The following CEP15 variants were observed in gnomAD, a reference collection of about 807,000 sequenced individuals.
CEP15 encodes the protein centrosomal protein 15.
the CEP15 span, among the ~76,000 whole-genome samples, chr3:62,320,284 G>C: frequency 6.6e-6 from 1 of 152,120 alleles, no homozygotes; most frequent in Non-Finnish European, 1.5e-5. Context: ...GATGTATCTG[G>C]CATGCTGAAT....
the CEP15 span, among the ~76,000 whole-genome samples, chr3:62,328,214 G>C: frequency 6.6e-6 from 1 of 152,122 alleles, no homozygotes; most frequent in Non-Finnish European, 1.5e-5. Context: ...TCAATTGCAC[G>C]ATTGCAGATT....
chr3:62,326,418 C>A, the CEP15 span, among the ~76,000 whole-genome samples: 3 of 152,138 alleles, frequency 2.0e-5, no homozygotes, highest in Non-Finnish European at 4.4e-5. Flanking sequence ...CCAGCCTGGC[C>A]ATAGCTGGAT....
At chr3:62,336,034 GT>G in the CEP15 span, 1 of 152,092 alleles carries the variant, frequency 6.6e-6, no homozygotes, top group East Asian at 1.9e-4. This position sits in a 1 kb window ranked among gnomAD's most constrained non-coding sequence, Gnocchi z 4.4. Context: ...CAAACGGACA[GT>G]TTTTTTCTGC....
the CEP15 span, among the ~76,000 whole-genome samples, chr3:62,321,341 T>C: frequency 2.0e-5 from 3 of 152,214 alleles, no homozygotes; most frequent in Non-Finnish European, 4.4e-5. The surrounding 1 kb of genome is among the most constrained non-coding windows in gnomAD (Gnocchi z 4.1). Flanking sequence ...AATTACTGTT[T>C]TACCTTGTTG....
chr3:62,321,990 A>C, the CEP15 span: 2 of 1,610,380 alleles, frequency 1.2e-6, no homozygotes, highest in East Asian at 4.5e-5. This position sits in a 1 kb window ranked among gnomAD's most constrained non-coding sequence, Gnocchi z 4.1. Flanking sequence ...ATCAACACAC[A>C]GAAAAGGCAT....
chr3:62,330,145 T>C, the CEP15 span, among the ~76,000 whole-genome samples: 2 of 152,162 alleles, frequency 1.3e-5, no homozygotes, highest in Admixed American at 1.3e-4. Flanking sequence ...AATTTCCTGT[T>C]TTTCCCTTTT....
At chr3:62,320,807 C>T in the CEP15 span, among the ~76,000 whole-genome samples, 2 of 152,176 alleles carry the variant, frequency 1.3e-5, no homozygotes, top group Non-Finnish European at 2.9e-5. Flanking sequence ...CTTCTCTAAA[C>T]CTCTTACACA....
chr3:62,327,038 A>C, the CEP15 span, among the ~76,000 whole-genome samples: 4 of 152,198 alleles, frequency 2.6e-5, no homozygotes, highest in African/African-American at 4.8e-5. Flanking sequence ...CTAACATTGT[A>C]CTTGATTGAT....
At chr3:62,333,600 G>A in the CEP15 span, 1 of 426,236 alleles carries the variant, frequency 2.3e-6, no homozygotes, top group South Asian at 3.4e-5. This position sits in a 1 kb window ranked among gnomAD's most constrained non-coding sequence, Gnocchi z 4.0. Flanking sequence ...CAAACCCATA[G>A]ATGTGTTAAA....
chr3:62,327,541 T>C, the CEP15 span, among the ~76,000 whole-genome samples: 1 of 151,308 alleles, frequency 6.6e-6, no homozygotes, highest in Non-Finnish European at 1.5e-5. Flanking sequence ...GGGAAGAACA[T>C]TTCCATAATT....
chr3:62,323,817 A>G, the CEP15 span: 1 of 152,216 alleles, frequency 6.6e-6, no homozygotes, highest in Admixed American at 6.5e-5. Context: ...TTTAAAGTGT[A>G]AAGTAGACGA....
chr3:62,333,392 T>G, the CEP15 span: 1 of 1,608,224 alleles, frequency 6.2e-7, no homozygotes, highest in Non-Finnish European at 8.5e-7. This position sits in a 1 kb window ranked among gnomAD's most constrained non-coding sequence, Gnocchi z 4.0. Flanking sequence ...AGCGATAACT[T>G]CTTCACATGC....
the CEP15 span, among the ~76,000 whole-genome samples, chr3:62,324,586 TC>T: frequency 6.6e-6 from 1 of 152,172 alleles, no homozygotes; most frequent in Non-Finnish European, 1.5e-5. Flanking sequence ...GTTCAGTCTT[TC>T]CTTGACTGCC....
the CEP15 span, among the ~76,000 whole-genome samples, chr3:62,331,895 A>G: frequency 6.6e-6 from 1 of 152,106 alleles, no homozygotes. Flanking sequence ...AAAATAAACT[A>G]TATTTGGTAT....
chr3:62,326,451 G>C, the CEP15 span, among the ~76,000 whole-genome samples: 3 of 152,148 alleles, frequency 2.0e-5, no homozygotes, highest in African/African-American at 4.8e-5. Context: ...TTTATAGTGA[G>C]GTATTAGATT....
the CEP15 span, among the ~76,000 whole-genome samples, chr3:62,330,771 T>C: frequency 6.6e-6 from 1 of 152,092 alleles, no homozygotes; most frequent in Non-Finnish European, 1.5e-5. Context: ...AGTACTGAGG[T>C]ATCTTACTGA....
the CEP15 span, among the ~76,000 whole-genome samples, chr3:62,325,673 C>T: frequency 1.3e-5 from 2 of 152,098 alleles, no homozygotes; most frequent in African/African-American, 4.8e-5. Flanking sequence ...ATAAATACTG[C>T]CACACTGTAA....
the CEP15 span, among the ~76,000 whole-genome samples, chr3:62,330,820 T>C: frequency 6.6e-6 from 1 of 152,180 alleles, no homozygotes; most frequent in African/African-American, 2.4e-5. Flanking sequence ...TATATATAAA[T>C]TTTTAAATTG....
the CEP15 span, chr3:62,320,385 C>G: frequency 9.5e-7 from 1 of 1,048,130 alleles, no homozygotes; most frequent in Non-Finnish European, 1.4e-6. Flanking sequence ...GATTAAGGTA[C>G]TAAAATAATC....
Sources: gnomAD v4.1 joint callset for allele counts (sites outside exome capture counted in the v4.1 genomes callset) on GRCh38, gnomAD v4.1.1 for gene constraint, Gnocchi (gnomAD v3.1) non-coding constraint, MANE v1.5 for transcripts, NCBI Gene and HGNC (gene_info 2026-07-23, HGNC 2026-07-21) for gene names.